Variants in TMEM230 observed in about 807,000 individuals in gnomAD.
TMEM230 encodes transmembrane protein 230.
In TMEM230, 10 loss-of-function variants were observed where a neutral mutation model predicts 15.8. That is an observed-to-expected ratio of 0.63 (90% CI 0.39 to 1.07). The LOEUF (loss-of-function observed/expected upper bound fraction) is 1.07, where lower values mean the gene tolerates loss of function less well. Ranked by LOEUF, TMEM230 falls within the 50% of genes least tolerant of loss-of-function variation. TMEM230 has a pLI of 0.01. For missense variants in TMEM230, 165 were observed against 193.3 expected (o/e 0.85, Z 0.87); for synonymous variants, 67 against 76.9 (o/e 0.87, Z 0.68).
chr20:5,074,195 T>G (rs2088916134), intron 3 of TMEM230, among the ~76,000 whole-genome samples: 1 of 152,194 alleles, frequency 6.6e-6, no homozygotes. Context: ...AACATGAGAT[T>G]TGAAGGGGGC....
At chr20:5,063,218 G>T in the TMEM230 span, among the ~76,000 whole-genome samples, 1 of 151,500 alleles carries the variant, frequency 6.6e-6, no homozygotes, top group African/African-American at 2.4e-5. Context: ...GTCTCCAGGG[G>T]AGGACTGCAT....
chr20:5,076,001 T>G (rs1029135365), intron 3 of TMEM230, among the ~76,000 whole-genome samples: 7 of 151,716 alleles, frequency 4.6e-5, no homozygotes, highest in Admixed American at 6.6e-5. Context: ...ACTAGCTACT[T>G]GTGGGGCTGA....
At chr20:5,099,753 G>A (rs1296357406), downstream of TMEM230, 2 of 727,272 alleles carry the variant, frequency 2.7e-6, no homozygotes, top group African/African-American at 3.8e-5. Context: ...GTTAGGGAAA[G>A]TTGAGTGTGA....
intron 1 of TMEM230, among the ~76,000 whole-genome samples, chr20:5,112,144 T>C (rs1299390042): frequency 6.6e-6 from 1 of 151,430 alleles, no homozygotes; most frequent in Non-Finnish European, 1.5e-5. Flanking sequence ...GCGCCCGGCC[T>C]AACTGTTTTA....
At chr20:5,084,267 A>C (rs2089267713) in intron 3 of TMEM230, among the ~76,000 whole-genome samples, 2 of 149,020 alleles carry the variant, frequency 1.3e-5, no homozygotes, top group South Asian at 2.1e-4. Context: ...TCTCTCACCC[A>C]GGCTGGAGTG....
At position 5,109,423 on chromosome 20, in the gene TMEM230, G is replaced by A. The variant is rs779508042; in HGVS notation, c.197C>T (p.Pro66Leu). ...TCCAGTAGCCAGGTTGGTACGGGAC[G>A]GCATCATAACACGCTGACACAGCTA... Residue 66 changes from proline to leucine, a missense_variant, in exon 3 of 5, where the codon CCG becomes CTG. By Grantham distance (98) the Pro-to-Leu change is moderately conservative. Transcript: ENST00000342308. 5.6e-6 allele frequency: 9 copies of A among 1,613,508 alleles called. No individual in the cohort carries two copies. Among genetic ancestry groups the A allele is most frequent in the South Asian group, 3.3e-5 (3 of 91,050 alleles).
At chr20:5,060,998 CA>C in the TMEM230 span, 1 of 152,118 alleles carries the variant, frequency 6.6e-6, no homozygotes, top group African/African-American at 2.4e-5. Context: ...TTGGCATTGT[CA>C]GAGTATATGA....
downstream of TMEM230, among the ~76,000 whole-genome samples, chr20:5,065,753 GAA>G (rs1214680084): frequency 6.6e-6 from 1 of 152,224 alleles, no homozygotes; most frequent in Non-Finnish European, 1.5e-5. Context: ...TGAAGGACAG[GAA>G]GTGACCAGTC....
downstream of TMEM230, among the ~76,000 whole-genome samples, chr20:5,064,711 CA>C (rs1427654174): frequency 6.6e-6 from 1 of 151,534 alleles, no homozygotes; most frequent in Non-Finnish European, 1.5e-5. Context: ...CAAATGAAAA[CA>C]AAACTCAATA....
At chr20:5,071,005 T>C (rs908927208) in intron 3 of TMEM230, among the ~76,000 whole-genome samples, 1 of 152,190 alleles carries the variant, frequency 6.6e-6, no homozygotes, top group African/African-American at 2.4e-5. Flanking sequence ...TGTTTACTTG[T>C]TCATTTTTCC....
chr20:5,070,707 T>G (rs552791121), intron 3 of TMEM230, among the ~76,000 whole-genome samples: 7 of 152,312 alleles, frequency 4.6e-5, no homozygotes, highest in Admixed American at 3.9e-4. Flanking sequence ...TAACAAATAT[T>G]TGCATAAAAG....
intron 3 of TMEM230, among the ~76,000 whole-genome samples, chr20:5,081,967 G>A (rs1469429648): frequency 1.9e-4 from 28 of 148,542 alleles, no homozygotes; most frequent in Admixed American, 1.5e-3. Context: ...TCTGCCTCTC[G>A]GGTTCAAGCA....
the TMEM230 span, among the ~76,000 whole-genome samples, chr20:5,063,060 T>C: frequency 0.62 from 93,980 of 151,692 alleles, 29,439 homozygotes; most frequent in South Asian, 0.77. Context: ...AGAGATGGAC[T>C]CCAGGACAGT....
intron 4 of TMEM230, among the ~76,000 whole-genome samples, 195 bp from the exon 4 acceptor site, chr20:5,101,126 G>GA (rs937810825): frequency 3.0e-4 from 46 of 151,954 alleles, no homozygotes; most frequent in African/African-American, 1.1e-3. Context: ...CAATTATAAA[G>GA]AAAAAAATGA....
intron 3 of TMEM230, among the ~76,000 whole-genome samples, chr20:5,070,575 T>C (rs2088790414): frequency 1.3e-5 from 2 of 152,186 alleles, no homozygotes; most frequent in Admixed American, 6.5e-5. Flanking sequence ...TACTCTGCCA[T>C]ATTCCTGATC....
At chr20:5,103,169 G>T (rs1371234352) in intron 4 of TMEM230, among the ~76,000 whole-genome samples, 1 of 152,164 alleles carries the variant, frequency 6.6e-6, no homozygotes, top group African/African-American at 2.4e-5. Flanking sequence ...CACACAACGG[G>T]AAACATAGTC....
chr20:5,059,763 ATTTTTTTTTTTTTTTTT>A, the TMEM230 span, among the ~76,000 whole-genome samples: 1 of 61,266 alleles, frequency 1.6e-5, no homozygotes, highest in Non-Finnish European at 2.8e-5. Context: ...CTTCCAGCTA[ATTTTTTTTTTTTTTTTT>A]TTTTTTTTTT....
chr20:5,109,249 G>A, intron 3 of TMEM230, 83 bp downstream of exon 2: 1 of 1,112,566 alleles, frequency 9.0e-7, no homozygotes. Context: ...AGGACAGTTA[G>A]CAAAATCTCC....
downstream of TMEM230, among the ~76,000 whole-genome samples, chr20:5,063,260 C>T (rs1017705811): frequency 6.9e-6 from 1 of 144,670 alleles, no homozygotes; most frequent in Non-Finnish European, 1.5e-5. Flanking sequence ...ACAGGAATCA[C>T]TAAGTAGCTG....
Sources: gnomAD v4.1 joint callset for allele counts (sites outside exome capture counted in the v4.1 genomes callset) on GRCh38, gnomAD v4.1.1 for gene constraint, MANE v1.5 for transcripts, NCBI Gene and HGNC (gene_info 2026-07-23, HGNC 2026-07-21) for gene names.